The following PLCB4 variants were observed in gnomAD, a reference collection of about 807,000 sequenced individuals.
PLCB4 encodes the protein phospholipase C beta 4.
In PLCB4, 77 loss-of-function variants were observed where a neutral mutation model predicts 178.8. The ratio of observed to expected loss-of-function variants is 0.43; its 90% CI spans 0.36 to 0.52. The LOEUF is 0.52. Among genes scored for constraint, PLCB4 ranks in the 20% least tolerant of loss-of-function variants. The pLI, the probability that PLCB4 is intolerant of heterozygous loss-of-function variation, is 0.00. For missense variants in PLCB4, 1,024 were observed against 1,453.4 expected (o/e 0.70, Z 4.80); for synonymous variants, 496 against 490.8 (o/e 1.01, Z -0.14).
chr20:9,099,575 A>G (rs2091061402), intron 2 of PLCB4, among the ~76,000 whole-genome samples: 1 of 152,060 alleles, frequency 6.6e-6, no homozygotes, highest in Non-Finnish European at 1.5e-5. Context: ...CATTATCATC[A>G]TCATAGAAAG....
chr20:9,263,043 C>T (rs373111091), intron 3 of PLCB4, among the ~76,000 whole-genome samples: 17 of 152,152 alleles, frequency 1.1e-4, no homozygotes, highest in African/African-American at 3.6e-4. Context: ...GGTTGGGTGA[C>T]TGTCCTAGAT....
intron 2 of PLCB4, among the ~76,000 whole-genome samples, chr20:9,171,510 T>C (rs1024221573): frequency 1.4e-4 from 21 of 152,344 alleles, no homozygotes; most frequent in African/African-American, 4.1e-4. Flanking sequence ...AGAATCTGTA[T>C]GTGCATATTT....
At chr20:9,213,128 CTTTTTTTTTTT>C (rs56785951) in intron 2 of PLCB4, among the ~76,000 whole-genome samples, 9 of 35,726 alleles carry the variant, frequency 2.5e-4, no homozygotes, top group South Asian at 3.2e-3. Context: ...CGTTAGCATA[CTTTTTTTTTTT>C]TTTTTTTTTT....
At chr20:9,371,117 C>T in intron 9 of PLCB4, 97 bp from the exon 10 acceptor site, 3 of 795,402 alleles carry the variant, frequency 3.8e-6, no homozygotes, top group Non-Finnish European at 6.8e-6. Flanking sequence ...TTCCTTTTAC[C>T]CTAGTCTCAC....
At chr20:9,440,416 C>G (rs1209307256) in intron 30 of PLCB4, among the ~76,000 whole-genome samples, 2 of 152,196 alleles carry the variant, frequency 1.3e-5, no homozygotes, top group East Asian at 3.8e-4. Context: ...GCTGCAGCCC[C>G]AGCGCATATC....
At chr20:9,093,133 C>A (rs1220723117) in intron 1 of PLCB4, among the ~76,000 whole-genome samples, 1 of 152,086 alleles carries the variant, frequency 6.6e-6, no homozygotes, top group Non-Finnish European at 1.5e-5. Context: ...TAGGATATAC[C>A]ATTGCAAATT....
chr20:9,326,320 A>G (rs1286868180), intron 4 of PLCB4, among the ~76,000 whole-genome samples: 1 of 152,148 alleles, frequency 6.6e-6, no homozygotes, highest in Non-Finnish European at 1.5e-5. Context: ...TAGAAAGTTG[A>G]TGATGTTCTT....
chr20:9,177,842 C>A (rs6039404), intron 2 of PLCB4, among the ~76,000 whole-genome samples: 1 of 152,162 alleles, frequency 6.6e-6, no homozygotes, highest in Non-Finnish European at 1.5e-5. Flanking sequence ...ACTGATCTGC[C>A]TAACACCTGC....
intron 3 of PLCB4, among the ~76,000 whole-genome samples, chr20:9,232,020 A>G (rs968113515): frequency 7.9e-5 from 12 of 152,158 alleles, no homozygotes; most frequent in Non-Finnish European, 1.6e-4. Context: ...AACCTAAAAA[A>G]CATTCTGCTG....
At chr20:9,397,452 T>C (rs2038683285) in intron 19 of PLCB4, among the ~76,000 whole-genome samples, 1 of 152,244 alleles carries the variant, frequency 6.6e-6, no homozygotes, top group South Asian at 2.1e-4. Flanking sequence ...AAATCATGAA[T>C]GTTCTTTCTT....
chr20:9,156,298 C>T (rs2092786791), intron 2 of PLCB4, among the ~76,000 whole-genome samples: 1 of 152,054 alleles, frequency 6.6e-6, no homozygotes, highest in African/African-American at 2.4e-5. Flanking sequence ...CACATATGAC[C>T]ATTACTCATA....
intron 3 of PLCB4, among the ~76,000 whole-genome samples, chr20:9,295,899 A>G (rs6118570): frequency 0.031 from 4,783 of 152,250 alleles, 128 homozygotes; most frequent in African/African-American, 0.063. Context: ...AAAACCATAA[A>G]AACTGTAGAA....
chr20:9,160,651 A>C (rs1191306551), intron 2 of PLCB4, among the ~76,000 whole-genome samples: 1 of 152,162 alleles, frequency 6.6e-6, no homozygotes, highest in Non-Finnish European at 1.5e-5. Flanking sequence ...ATAATGACAA[A>C]GAATAGTTAC....
At chr20:9,358,775 C>T (rs906491135) in intron 7 of PLCB4, among the ~76,000 whole-genome samples, 13 of 151,964 alleles carry the variant, frequency 8.6e-5, no homozygotes, top group Non-Finnish European at 1.9e-4. Flanking sequence ...GGTGGGCACC[C>T]ACAATCCCAT....
intron 17 of PLCB4, among the ~76,000 whole-genome samples, chr20:9,393,059 G>T (rs1373353669): frequency 1.3e-5 from 2 of 152,092 alleles, no homozygotes; most frequent in African/African-American, 4.8e-5. Context: ...CAGATTCCAG[G>T]AATTGGAACA....
intron 7 of PLCB4, among the ~76,000 whole-genome samples, chr20:9,341,023 A>G (rs2033129808): frequency 6.6e-6 from 1 of 152,122 alleles, no homozygotes; most frequent in Non-Finnish European, 1.5e-5. Context: ...GAACTCTGAG[A>G]CCACACAGCA....
intron 7 of PLCB4, among the ~76,000 whole-genome samples, chr20:9,345,047 A>G (rs2033651798): frequency 6.6e-6 from 1 of 152,158 alleles, no homozygotes; most frequent in Non-Finnish European, 1.5e-5. Flanking sequence ...AAATTTACCC[A>G]GTGTGATGGC....
chr20:9,294,710 G>A (rs577898461), intron 3 of PLCB4, among the ~76,000 whole-genome samples: 1 of 151,944 alleles, frequency 6.6e-6, no homozygotes, highest in Non-Finnish European at 1.5e-5. Context: ...AGCTTACATT[G>A]CAATCACCTG....
intron 7 of PLCB4, among the ~76,000 whole-genome samples, chr20:9,361,749 A>G (rs148100505): frequency 1.8e-4 from 28 of 152,338 alleles, no homozygotes; most frequent in African/African-American, 6.5e-4. Context: ...GCCCTTACAG[A>G]GATTAAATTG....
Sources: allele counts gnomAD v4.1 joint callset (sites outside exome capture counted in the v4.1 genomes callset), GRCh38; gene constraint gnomAD v4.1.1; transcripts MANE v1.5; gene names NCBI Gene and HGNC (gene_info 2026-07-23, HGNC 2026-07-21).